The following LACTB variants were observed in gnomAD, a reference collection of about 807,000 sequenced individuals.
The protein encoded by LACTB is lactamase beta.
LACTB carries 35 observed loss-of-function variants against 50.2 expected under a neutral mutation model. The observed-to-expected ratio is 0.70, with a 90% CI of 0.53 to 0.92. LACTB has a LOEUF of 0.92. Ranked by LOEUF, LACTB falls within the 40% of genes least tolerant of loss-of-function variation. The probability of loss-of-function intolerance (pLI) is 0.00; values close to 1 mark genes in which losing one functional copy is unlikely to be tolerated. For synonymous variants in LACTB, 252 were observed against 268.2 expected (o/e 0.94, Z 0.59); for missense variants, 664 against 691.8 (o/e 0.96, Z 0.45).
chr15:63,139,947 A>G (rs927144713), intron 5 of LACTB, among the ~76,000 whole-genome samples: 4 of 151,618 alleles, frequency 2.6e-5, no homozygotes, highest in African/African-American at 9.7e-5. Flanking sequence ...AAAAAAAAAA[A>G]AAAAAAAATC....
chr15:63,133,785 G>A (rs2037153151), intron 5 of LACTB, among the ~76,000 whole-genome samples: 3 of 152,128 alleles, frequency 2.0e-5, no homozygotes, highest in African/African-American at 7.2e-5. Flanking sequence ...TGGAAGTATT[G>A]AATTTTAAAA....
intron 2 of LACTB, among the ~76,000 whole-genome samples, chr15:63,125,396 G>T (rs1002867954): frequency 6.6e-6 from 1 of 151,878 alleles, no homozygotes; most frequent in African/African-American, 2.4e-5. Context: ...TCGAACTCCC[G>T]ACCTCAGGTG....
intron 5 of LACTB, among the ~76,000 whole-genome samples, chr15:63,131,815 C>T (rs1004920285): frequency 6.6e-6 from 1 of 151,858 alleles, no homozygotes; most frequent in Non-Finnish European, 1.5e-5. Flanking sequence ...CATGGTGGTG[C>T]GTGCCTGTAG....
rs1261166396 is a variant in LACTB, at chr15:63,126,847, T to C, written c.425-12T>C. 1.4e-6 allele frequency: 2 copies of C among 1,479,968 alleles called. No individual in the cohort carries two copies. Among genetic ancestry groups the C allele is most frequent in the East Asian group, 4.8e-5 (2 of 41,256 alleles). The allele number at this position is 1,479,968 out of a possible 1,614,324, so 91.7% of individuals were successfully genotyped here. ...CCTGTTAATAGTGACTTTTTGCTTT[T>C]TTCCCCCAAAGGTTTAGGTTATGCT... On this transcript the variant is annotated splice_polypyrimidine_tract_variant and intron_variant, in intron 2 of 5. Transcript: ENST00000261893.
intron 5 of LACTB, among the ~76,000 whole-genome samples, chr15:63,132,971 A>T (rs537946020): frequency 6.6e-6 from 1 of 152,206 alleles, no homozygotes; most frequent in Non-Finnish European, 1.5e-5. Flanking sequence ...CATTTAAACG[A>T]CATTTTCTCT....
intron 5 of LACTB, among the ~76,000 whole-genome samples, chr15:63,139,333 G>A (rs1204972590): frequency 6.6e-6 from 1 of 151,580 alleles, no homozygotes; most frequent in Non-Finnish European, 1.5e-5. Context: ...TCCAGCCTGG[G>A]CACCAGAGCA....
rs761627317 is a variant in LACTB at position 63,127,454 on chromosome 15, G to C, written c.717G>C (p.Leu239Phe). 17 of 1,612,088 alleles carry C rather than the reference G, an allele frequency of 1.1e-5. No homozygotes were observed. The highest frequency in any genetic ancestry group is 1.4e-5 in the Non-Finnish European group (16 of 1,178,910). Residue 239 changes from leucine (L) to phenylalanine (F), a missense_variant, in exon 4 of 6, where the codon TTG (leucine) becomes TTC (phenylalanine). By Grantham distance (22) the Leu-to-Phe change is conservative. Coordinates refer to ENST00000261893, the MANE Select transcript of LACTB (RefSeq NM_032857.5). ...AAGAAGAGAAAGCTTATAAAGCCTT[G>C]AAGATGATGAAAGAGAATGTTGCAT... is the stretch of plus-strand genomic sequence containing the variant. The part of the protein sequence containing the change: ...KVKEEKAYKA[L>F]KMMKENVAFE...
intron 1 of LACTB, 32 bp from the exon 2 acceptor site, chr15:63,122,604 G>GT (rs765958803): frequency 1.9e-5 from 30 of 1,569,360 alleles, no homozygotes; most frequent in Non-Finnish European, 2.6e-5. Flanking sequence ...CAGCAGGCCC[G>GT]TAACTGTCGG....
In LACTB at chr15:63,127,692, G is replaced by T; in HGVS notation, c.952+3G>T. Reference sequence around the variant, plus strand: ...TGATCCTTTGTTCTTCAAACCTGGTGAGTGTTAATCCCTTCTCTTAACAAA... The same window carrying T: ...TGATCCTTTGTTCTTCAAACCTGGTTAGTGTTAATCCCTTCTCTTAACAAA... On this transcript the variant is annotated splice_donor_region_variant and intron_variant, in intron 4 of 5. Coordinates refer to ENST00000261893, the MANE Select transcript of LACTB (RefSeq NM_032857.5). 6.5e-7 allele frequency: 1 copy of T among 1,546,746 alleles called. No homozygotes were observed. The highest frequency in any genetic ancestry group is 1.2e-5 in the South Asian group (1 of 86,130).
At chr15:63,134,021 G>T (rs988214826) in intron 5 of LACTB, among the ~76,000 whole-genome samples, 25 of 152,316 alleles carry the variant, frequency 1.6e-4, no homozygotes, top group African/African-American at 6.0e-4. Flanking sequence ...TGAGTCAGAA[G>T]TTTATAAAAT....
chr15:63,131,324 T>C (rs2037130561), intron 5 of LACTB: 1 of 152,204 alleles, frequency 6.6e-6, no homozygotes, highest in African/African-American at 2.4e-5. Flanking sequence ...CTCTCTTATT[T>C]ATTTATTCAT....
chr15:63,139,350 A>C (rs1479616496), intron 5 of LACTB, among the ~76,000 whole-genome samples: 1 of 151,164 alleles, frequency 6.6e-6, no homozygotes, highest in Non-Finnish European at 1.5e-5. Context: ...AGCAAGACTC[A>C]GTGTCAAAAA....
chr15:63,138,487 T>C (rs1426811206), intron 5 of LACTB, among the ~76,000 whole-genome samples: 8 of 152,172 alleles, frequency 5.3e-5, no homozygotes, highest in Non-Finnish European at 1.2e-4. Context: ...AACTTGTGTC[T>C]ATATTCTTTT....
chr15:63,124,600 G>A (rs1391916985), intron 2 of LACTB, among the ~76,000 whole-genome samples: 1 of 152,022 alleles, frequency 6.6e-6, no homozygotes, highest in East Asian at 1.9e-4. Context: ...TAACTTCTCT[G>A]TTGCACAGAA....
At chr15:63,129,286 T>G in intron 4 of LACTB, 199 bp from the exon 5 acceptor site, 1 of 389,188 alleles carries the variant, frequency 2.6e-6, no homozygotes, top group Non-Finnish European at 4.5e-6. Flanking sequence ...AATTTTATTC[T>G]TGTGTTAAGG....
chr15:63,127,074 A>G, intron 3 of LACTB, 25 bp downstream of exon 3: 1 of 1,490,008 alleles, frequency 6.7e-7, no homozygotes, highest in Non-Finnish European at 9.2e-7. Flanking sequence ...AGTTCATTTT[A>G]CTAATGGCAT....
intron 5 of LACTB, among the ~76,000 whole-genome samples, chr15:63,137,283 T>G (rs1269259167): frequency 6.6e-6 from 1 of 152,212 alleles, no homozygotes; most frequent in African/African-American, 2.4e-5. Flanking sequence ...TTCTTGCCAC[T>G]GAAAGACACT....
chr15:63,123,563 G>A (rs1306508642), intron 2 of LACTB, among the ~76,000 whole-genome samples: 1 of 152,176 alleles, frequency 6.6e-6, no homozygotes, highest in South Asian at 2.1e-4. Flanking sequence ...ACCAATGCGC[G>A]GAGACCGGTA....
chr15:63,133,628 A>G (rs945968289), intron 5 of LACTB, among the ~76,000 whole-genome samples: 7 of 152,100 alleles, frequency 4.6e-5, no homozygotes, highest in Non-Finnish European at 1.0e-4. Flanking sequence ...ACGTTAATTA[A>G]TTACTTAGTT....
Sources: allele counts gnomAD v4.1 joint callset (sites outside exome capture counted in the v4.1 genomes callset), GRCh38; gene constraint gnomAD v4.1.1; transcripts MANE v1.5; gene names NCBI Gene and HGNC (gene_info 2026-07-23, HGNC 2026-07-21).